The following NRXN3 variants were observed in gnomAD, a reference collection of about 807,000 sequenced individuals.
NRXN3 encodes neurexin III.
Under a neutral mutation model 137.6 loss-of-function variants are expected in NRXN3, and 32 were observed. That is an observed-to-expected ratio of 0.23 (90% confidence interval 0.18 to 0.31). The LOEUF (loss-of-function observed/expected upper bound fraction) is 0.31. Ranked by LOEUF, NRXN3 falls within the 10% of genes least tolerant of loss-of-function variation. The pLI is 1.00. For missense variants in NRXN3, 1,574 were observed against 2,062.5 expected (o/e 0.76, Z 4.59); for synonymous variants, 798 against 784.5 (o/e 1.02, Z -0.29).
intron 10 of NRXN3, among the ~76,000 whole-genome samples, chr14:78,862,104 G>A (rs895610241): frequency 3.3e-5 from 5 of 152,100 alleles, no homozygotes; most frequent in African/African-American, 1.2e-4. Context: ...TGAGGAATAT[G>A]AATCAGAACA....
chr14:79,531,997 G>C (rs193254328), intron 16 of NRXN3, among the ~76,000 whole-genome samples: 2 of 152,278 alleles, frequency 1.3e-5, no homozygotes, highest in African/African-American at 4.8e-5. Context: ...AGATTTGGAG[G>C]AAATTCTGAG....
At chr14:78,446,634 T>C (rs762539847) in intron 4 of NRXN3, among the ~76,000 whole-genome samples, 4 of 152,202 alleles carry the variant, frequency 2.6e-5, no homozygotes, top group Non-Finnish European at 5.9e-5. Context: ...TATTCTGCAA[T>C]GTAAAAGGAG....
At chr14:78,201,825 C>T (rs2061704876) in intron 1 of NRXN3, among the ~76,000 whole-genome samples, 8 of 152,160 alleles carry the variant, frequency 5.3e-5, no homozygotes, top group Admixed American at 1.3e-4. Flanking sequence ...GTCAGCCGCT[C>T]CGACATGCTG....
chr14:78,507,437 C>T (rs150177996), intron 4 of NRXN3, among the ~76,000 whole-genome samples: 83 of 152,278 alleles, frequency 5.5e-4, no homozygotes, highest in African/African-American at 1.9e-3. Flanking sequence ...GTCACTGCCC[C>T]GGGGCCAGGG....
intron 19 of NRXN3, among the ~76,000 whole-genome samples, chr14:79,778,338 C>T (rs1437005339): frequency 1.3e-5 from 2 of 152,138 alleles, no homozygotes; most frequent in African/African-American, 4.8e-5. Context: ...ATCACTTGAA[C>T]CCAGGAGGCG....
chr14:78,630,174 G>T (rs779526437), intron 4 of NRXN3, among the ~76,000 whole-genome samples: 5 of 152,118 alleles, frequency 3.3e-5, no homozygotes, highest in Non-Finnish European at 5.9e-5. Flanking sequence ...GCACCTGGTG[G>T]ACCTCTTTTC....
chr14:78,850,780 G>T (rs1391970354), intron 10 of NRXN3, among the ~76,000 whole-genome samples: 1 of 152,028 alleles, frequency 6.6e-6, no homozygotes, highest in Admixed American at 6.6e-5. Context: ...GATTTTTCAG[G>T]GGTAAACAAA....
At chr14:79,831,742 T>C (rs1222396345) in intron 20 of NRXN3, among the ~76,000 whole-genome samples, 1 of 152,128 alleles carries the variant, frequency 6.6e-6, no homozygotes, top group Non-Finnish European at 1.5e-5. Context: ...GCTAATACAG[T>C]GTTTTGGAAA....
At chr14:78,383,796 A>G (rs1033390526) in intron 4 of NRXN3, among the ~76,000 whole-genome samples, 7 of 152,212 alleles carry the variant, frequency 4.6e-5, no homozygotes, top group African/African-American at 1.2e-4. Context: ...CCTGATGCAT[A>G]GAAGGTACTC....
At chr14:78,458,489 C>A (rs1222595266) in intron 4 of NRXN3, among the ~76,000 whole-genome samples, 1 of 152,160 alleles carries the variant, frequency 6.6e-6, no homozygotes, top group Non-Finnish European at 1.5e-5. Flanking sequence ...TTACCTGAGT[C>A]CCCTCTAGCT....
At chr14:78,662,447 G>A (rs1380042036) in intron 6 of NRXN3, among the ~76,000 whole-genome samples, 4 of 152,028 alleles carry the variant, frequency 2.6e-5, no homozygotes, top group Non-Finnish European at 5.9e-5. Context: ...CTAGTGAGTG[G>A]AAGCTGGGTA....
intron 1 of NRXN3, among the ~76,000 whole-genome samples, chr14:78,173,224 C>G (rs943185367): frequency 6.6e-6 from 1 of 151,866 alleles, no homozygotes; most frequent in Non-Finnish European, 1.5e-5. Flanking sequence ...CTATTCTGCA[C>G]CCCCCTTTCT....
At chr14:79,144,746 G>C (rs10137386) in intron 15 of NRXN3, among the ~76,000 whole-genome samples, 149,669 of 152,302 alleles carry the variant, frequency 0.98, 73,596 homozygotes, top group Middle Eastern at 1. Flanking sequence ...TAGAAATATG[G>C]TATCTTCTTG....
intron 10 of NRXN3, among the ~76,000 whole-genome samples, chr14:78,876,747 T>C (rs2099114847): frequency 6.6e-6 from 1 of 152,204 alleles, no homozygotes; most frequent in Non-Finnish European, 1.5e-5. Flanking sequence ...GTTTCTCATA[T>C]GTACAGATAG....
intron 4 of NRXN3, among the ~76,000 whole-genome samples, chr14:78,553,168 T>C (rs902135674): frequency 1.3e-5 from 2 of 152,260 alleles, no homozygotes; most frequent in Admixed American, 6.5e-5. Context: ...TTTTGGCTAC[T>C]ATTTGCATGT....
chr14:79,496,407 A>C (rs1226575853), intron 16 of NRXN3, among the ~76,000 whole-genome samples: 1 of 152,176 alleles, frequency 6.6e-6, no homozygotes, highest in Non-Finnish European at 1.5e-5. Flanking sequence ...CCTGGATACT[A>C]TCCAGGGATT....
At chr14:78,631,320 T>G (rs2097520970) in intron 4 of NRXN3, among the ~76,000 whole-genome samples, 1 of 152,230 alleles carries the variant, frequency 6.6e-6, no homozygotes, top group South Asian at 2.1e-4. Flanking sequence ...TTGCTTTTCT[T>G]TGTTCTGATT....
At chr14:78,490,321 C>G (rs915643992) in intron 4 of NRXN3, among the ~76,000 whole-genome samples, 2 of 152,122 alleles carry the variant, frequency 1.3e-5, no homozygotes, top group Non-Finnish European at 2.9e-5. Flanking sequence ...TTAACTGAGC[C>G]TCTATTTTAC....
chr14:79,562,223 C>T (rs1190676585), intron 16 of NRXN3, among the ~76,000 whole-genome samples: 2 of 152,102 alleles, frequency 1.3e-5, no homozygotes, highest in Non-Finnish European at 2.9e-5. Context: ...CCCAGGTATC[C>T]TTATTCTCAT....
Sources: gnomAD v4.1 joint callset for allele counts (sites outside exome capture counted in the v4.1 genomes callset) on GRCh38, gnomAD v4.1.1 for gene constraint, MANE v1.5 for transcripts, NCBI Gene and HGNC (gene_info 2026-07-23, HGNC 2026-07-21) for gene names.